Variants in TMEM131L observed in about 807,000 individuals in gnomAD.
The protein encoded by TMEM131L is transmembrane 131 like.
In TMEM131L, 54 loss-of-function variants were observed where a neutral mutation model predicts 192.2. That is an observed-to-expected ratio of 0.28 (90% CI 0.23 to 0.35). TMEM131L has a LOEUF of 0.35. Among genes scored for constraint, TMEM131L ranks in the 10% least tolerant of loss-of-function variants. TMEM131L has a pLI of 1.00. For missense variants in TMEM131L, 1,888 were observed against 1,972.9 expected, an observed-to-expected ratio of 0.96 and a Z score of 0.82; for synonymous variants, 701 against 704.9, an observed-to-expected ratio of 0.99 and a Z score of 0.09.
chr4:153,588,930 T>C lies in TMEM131L; in HGVS notation c.1593T>C (p.Ser531=). Residue 531 remains serine, a synonymous_variant, in exon 16 of 35, where the codon TCT becomes TCC. Coordinates refer to ENST00000409959, the MANE Select transcript of TMEM131L (RefSeq NM_001131007.2). ...ATGGGAGCCTTTCTCTGGATCAATC[T>C]ACCTGGAATGTGGATTCTGAACTTG... ...NWNGSLSLDQ[S]TWNVDSELAN... 1 of 1,605,872 alleles carries C rather than the reference T, an allele frequency of 6.2e-7. No homozygotes were observed.
At chr4:153,565,969 T>C (rs1459681777) in intron 7 of TMEM131L, among the ~76,000 whole-genome samples, 1 of 152,192 alleles carries the variant, frequency 6.6e-6, no homozygotes, top group Non-Finnish European at 1.5e-5. Flanking sequence ...CAGTGACTTA[T>C]TTGGGCAAAA....
chr4:153,587,728 A>G lies in TMEM131L; in HGVS notation c.1483-14A>G, dbSNP rs772666209. ...CTGTGTTTTAAGTTATTCATATATT[A>G]CTTTTCAATCTAGGAAGGGAGTCTG... On this transcript the variant is annotated splice_polypyrimidine_tract_variant and intron_variant, in intron 14 of 34. Transcript: ENST00000409959. 4.4e-6 allele frequency: 7 copies of G among 1,573,658 alleles called. No individual in the cohort carries two copies. Among genetic ancestry groups the G allele is most frequent in the Middle Eastern group, 1.7e-4 (1 of 6,020 alleles).
At chr4:153,610,535 C>T (rs1220166654) in intron 25 of TMEM131L, among the ~76,000 whole-genome samples, 1 of 152,146 alleles carries the variant, frequency 6.6e-6, no homozygotes, top group Non-Finnish European at 1.5e-5. Context: ...GTACTTAAAC[C>T]GTAAAAGCCT....
intron 3 of TMEM131L, among the ~76,000 whole-genome samples, chr4:153,520,197 G>T (rs575809039): frequency 6.6e-6 from 1 of 152,266 alleles, no homozygotes; most frequent in South Asian, 2.1e-4. Context: ...CACGCCTGTT[G>T]TTATCGCAGC....
At chr4:153,573,221 G>C (rs1377800906) in intron 7 of TMEM131L, among the ~76,000 whole-genome samples, 1 of 152,200 alleles carries the variant, frequency 6.6e-6, no homozygotes, top group Non-Finnish European at 1.5e-5. Context: ...CAAGTTTTTT[G>C]AGGAACCACC....
chr4:153,486,074 A>T (rs755713602), intron 3 of TMEM131L, among the ~76,000 whole-genome samples: 10 of 152,178 alleles, frequency 6.6e-5, no homozygotes, highest in Non-Finnish European at 1.3e-4. Context: ...GTCGAAGGAG[A>T]CTAAGTCCGA....
At position 153,592,377 on chromosome 4, in the gene TMEM131L, A is replaced by G. The variant is rs148934934; in HGVS notation, c.1813-98A>G. On this transcript the variant is annotated intron_variant, in intron 17 of 34. Transcript: ENST00000409959. ...GATGTTTCTTGATTGGAGTTACATG[A>G]TATTTCCTCATGATTAGGTTATGCT... 889 of 752,630 alleles carry G rather than the reference A, an allele frequency of 1.2e-3. 2 individuals are homozygous for G. Among genetic ancestry groups the G allele is most frequent in the Admixed American group, 1.4e-3 (66 of 48,068 alleles). 46.6% of individuals were successfully genotyped at this position (752,630 alleles called of 1,614,324 possible).
chr4:153,512,926 G>A (rs1734458900), intron 3 of TMEM131L, among the ~76,000 whole-genome samples: 1 of 152,154 alleles, frequency 6.6e-6, no homozygotes, highest in African/African-American at 2.4e-5. Context: ...ATTTTTTAAG[G>A]TGTTATTTTA....
In TMEM131L at chr4:153,591,057, A is replaced by G; in HGVS notation, c.1675A>G (p.Asn559Asp). 6.4e-7 allele frequency: 1 copy of G among 1,560,676 alleles called. No homozygotes were observed. The highest frequency in any genetic ancestry group is 1.2e-5 in the South Asian group (1 of 81,022). The change falls in exon 17 of 35, where the codon AAT becomes GAT. Residue 559 changes from asparagine to aspartate, a missense_variant. Coordinates refer to ENST00000409959, the MANE Select transcript of TMEM131L (RefSeq NM_001131007.2). ...KYKNGDVCKR[N>D]VLGTTRFAHL... ...GTTTCTTTATCAATTAAACAGGAGGAATGTTTTGGGAACAACTCGATTTGC... is the reference window on the plus strand; with the variant it reads ...GTTTCTTTATCAATTAAACAGGAGGGATGTTTTGGGAACAACTCGATTTGC...
chr4:153,556,816 G>A, intron 5 of TMEM131L, 150 bp from the exon 6 acceptor site: 2 of 583,438 alleles, frequency 3.4e-6, no homozygotes, highest in Non-Finnish European at 6.1e-6. Flanking sequence ...ATGCTGATCA[G>A]TTTGGGGATT....
At chr4:153,540,151 C>CA (rs1378301232) in intron 3 of TMEM131L, among the ~76,000 whole-genome samples, 4 of 150,634 alleles carry the variant, frequency 2.7e-5, no homozygotes, top group African/African-American at 2.4e-5. Flanking sequence ...AACCCCAAAA[C>CA]AAAAAACATC....
At chr4:153,530,653 C>T (rs1205597911) in intron 3 of TMEM131L, among the ~76,000 whole-genome samples, 3 of 152,122 alleles carry the variant, frequency 2.0e-5, no homozygotes, top group East Asian at 1.9e-4. Flanking sequence ...CATGCAAGTT[C>T]GACCTCTGGA....
chr4:153,500,914 G>T (rs1195657112), intron 3 of TMEM131L, among the ~76,000 whole-genome samples: 1 of 152,030 alleles, frequency 6.6e-6, no homozygotes, highest in African/African-American at 2.4e-5. Flanking sequence ...GCCGTTTAAT[G>T]ATCAGATAGA....
intron 30 of TMEM131L, among the ~76,000 whole-genome samples, chr4:153,626,591 A>C (rs1170730362): frequency 6.6e-6 from 1 of 152,232 alleles, no homozygotes; most frequent in Non-Finnish European, 1.5e-5. Context: ...CTCCATCTCT[A>C]AAAAGAATTT....
intron 29 of TMEM131L, among the ~76,000 whole-genome samples, chr4:153,625,829 A>G (rs1219152694): frequency 6.6e-6 from 1 of 151,944 alleles, no homozygotes; most frequent in African/African-American, 2.4e-5. Flanking sequence ...AATTGGTTGA[A>G]CCCGGGAGGT....
At chr4:153,579,413 T>C (rs1214826807) in intron 7 of TMEM131L, among the ~76,000 whole-genome samples, 2 of 152,224 alleles carry the variant, frequency 1.3e-5, no homozygotes, top group Non-Finnish European at 1.5e-5. Flanking sequence ...CTAGCAGATA[T>C]GAACAATGAT....
chr4:153,627,585 C>T lies in TMEM131L; in HGVS notation c.4125-20C>T, dbSNP rs75205878. 2.2e-4 allele frequency: 359 copies of T among 1,602,912 alleles called. 1 individual carries two copies. In the East Asian group the frequency reaches 7.5e-3, roughly 33 times the overall value. On this transcript the variant is annotated intron_variant, in intron 30 of 34. Transcript: ENST00000409959. The stretch of plus-strand genomic sequence containing the variant: ...GTGCAGAAAAAATGAGTCGTTCCTC[C>T]TTTGCCCTCTTCCCCACAGGACCGT...
At chr4:153,569,252 C>T (rs961553859) in intron 7 of TMEM131L, among the ~76,000 whole-genome samples, 7 of 152,202 alleles carry the variant, frequency 4.6e-5, no homozygotes, top group African/African-American at 1.7e-4. Context: ...CGATTTCCAG[C>T]CCTGTGCTTT....
intron 25 of TMEM131L, among the ~76,000 whole-genome samples, chr4:153,609,966 C>T (rs1402330823): frequency 6.6e-6 from 1 of 152,088 alleles, no homozygotes. Flanking sequence ...TGATGTTTTC[C>T]TTTGTGGATA....
Sources: allele counts gnomAD v4.1 joint callset (sites outside exome capture counted in the v4.1 genomes callset), GRCh38; gene constraint gnomAD v4.1.1; transcripts MANE v1.5; gene names NCBI Gene and HGNC (gene_info 2026-07-23, HGNC 2026-07-21).